The following CDH18 variants were observed in gnomAD, a reference collection of about 807,000 sequenced individuals.
CDH18 encodes cadherin-18.
A neutral mutation model predicts 67.9 loss-of-function variants in CDH18; 31 were observed. The observed-to-expected ratio is 0.46, with a 90% CI of 0.34 to 0.62. The LOEUF (loss-of-function observed/expected upper bound fraction) is 0.62, where lower values mean the gene tolerates loss of function less well. CDH18 is among the 20% of genes least tolerant of loss of function. The pLI, the probability that CDH18 is intolerant of heterozygous loss-of-function variation, is 0.01. For synonymous variants in CDH18, 362 were observed against 347.2 expected (o/e 1.04, Z -0.48); for missense variants, 890 against 975.5 (o/e 0.91, Z 1.17).
rs192428834 is a variant in CDH18, at chr5:19,760,222, C to T, written c.229-12986G>A. 2.6e-5 allele frequency among the ~76,000 whole-genome samples: 4 copies of T among 152,170 alleles called. No homozygotes were observed. The East Asian group carries it at 7.8e-4, about 30-fold the overall frequency. On this transcript the variant is annotated intron_variant, in intron 3 of 12. Coordinates refer to ENST00000382275, the MANE Select transcript of CDH18 (RefSeq NM_004934.5). ...ATAGTTGAATAACTGCAGTTCCCAC[C>T]ATTAGATCTGATACACAGAGAAGAG...
At chr5:20,264,975 G>T (rs13167305) in intron 1 of CDH18, among the ~76,000 whole-genome samples, 47,909 of 151,904 alleles carry the variant, frequency 0.32, 7,925 homozygotes, top group Non-Finnish European at 0.37. Flanking sequence ...AAAGAAAAAT[G>T]ATCTCAGGAT....
Position 19,546,728 on chromosome 5 carries a change from G to A in CDH18, c.1254-2723C>T, listed in dbSNP as rs370920873. ...GTGAAATCTTCTAACCTCCTGTGGA[G>A]AGGCATGAACACACATGGCAGAAGA... On this transcript the variant is annotated intron_variant, in intron 8 of 12. Transcript: ENST00000382275. Among the ~76,000 whole-genome samples the A allele has an allele frequency of 5.7e-4, 87 of 152,222 alleles. 1 individual carries two copies. Among genetic ancestry groups the A allele is most frequent in the African/African-American group, 1.9e-3 (80 of 41,536 alleles).
intron 2 of CDH18, among the ~76,000 whole-genome samples, chr5:19,897,713 A>G (rs1403640594): frequency 6.6e-6 from 1 of 152,110 alleles, no homozygotes; most frequent in East Asian, 1.9e-4. Flanking sequence ...ATTCATACAT[A>G]TCAATATTAT....
At chr5:20,172,223 T>TATAC (rs1554098639) in intron 2 of CDH18, among the ~76,000 whole-genome samples, 2,702 of 43,374 alleles carry the variant, frequency 0.062, 229 homozygotes, top group Non-Finnish European at 0.072. Context: ...TATATATATA[T>TATAC]GTATATATAT....
chr5:19,712,861 GA>G (rs1159300494), intron 5 of CDH18, among the ~76,000 whole-genome samples: 1 of 151,580 alleles, frequency 6.6e-6, no homozygotes, highest in Non-Finnish European at 1.5e-5. Flanking sequence ...GAATCAATGG[GA>G]TTGCAGTACA....
intron 7 of CDH18, among the ~76,000 whole-genome samples, chr5:19,580,888 A>G (rs1304552488): frequency 6.6e-6 from 1 of 151,974 alleles, no homozygotes; most frequent in African/African-American, 2.4e-5. Flanking sequence ...AAAGATAAAC[A>G]ATTTTTTTAG....
intron 2 of CDH18, among the ~76,000 whole-genome samples, chr5:20,132,052 A>G (rs181717745): frequency 8.3e-4 from 126 of 152,062 alleles, no homozygotes; most frequent in African/African-American, 3.0e-3. Context: ...CAAGCCCAGC[A>G]AAGTTTTTGT....
intron 2 of CDH18, among the ~76,000 whole-genome samples, chr5:20,075,459 C>T (rs1198581486): frequency 3.9e-5 from 6 of 151,996 alleles, no homozygotes; most frequent in Non-Finnish European, 7.4e-5. Flanking sequence ...GCCGAGATTG[C>T]GCCACTGCAC....
intron 7 of CDH18, among the ~76,000 whole-genome samples, chr5:19,577,515 A>C (rs1420146140): frequency 6.6e-6 from 1 of 152,130 alleles, no homozygotes; most frequent in Non-Finnish European, 1.5e-5. Context: ...AGATAAGGAT[A>C]ATTTGTTTTC....
chr5:20,559,989 C>G (rs1344679837), intron 1 of CDH18, among the ~76,000 whole-genome samples: 1 of 152,056 alleles, frequency 6.6e-6, no homozygotes, highest in African/African-American at 2.4e-5. Context: ...TCACCTCTTT[C>G]ACTCATAGGG....
At chr5:19,711,791 C>T (rs940390649) in intron 5 of CDH18, among the ~76,000 whole-genome samples, 1 of 151,866 alleles carries the variant, frequency 6.6e-6, no homozygotes, top group African/African-American at 2.4e-5. Context: ...ATAGAACTAC[C>T]ATTTGATTCA....
chr5:20,516,673 A>T (rs1030324526), intron 1 of CDH18, among the ~76,000 whole-genome samples: 4 of 151,922 alleles, frequency 2.6e-5, no homozygotes, highest in Non-Finnish European at 4.4e-5. Flanking sequence ...TATTATTTTT[A>T]AAAATTTTCT....
At chr5:19,657,058 T>C (rs1756505765) in intron 5 of CDH18, among the ~76,000 whole-genome samples, 2 of 152,128 alleles carry the variant, frequency 1.3e-5, no homozygotes, top group South Asian at 2.1e-4. Context: ...TTACAGGATA[T>C]GTAACATATT....
At chr5:20,380,064 C>T (rs1471216792) in intron 1 of CDH18, among the ~76,000 whole-genome samples, 1 of 151,974 alleles carries the variant, frequency 6.6e-6, no homozygotes, top group Non-Finnish European at 1.5e-5. Context: ...GCTAAAGGCA[C>T]AAAGTGGATA....
At chr5:19,912,630 C>A (rs1791280636) in intron 2 of CDH18, among the ~76,000 whole-genome samples, 1 of 152,118 alleles carries the variant, frequency 6.6e-6, no homozygotes, top group African/African-American at 2.4e-5. Context: ...TGAGCTATTT[C>A]ATCTTACAAA....
chr5:19,565,298 A>G (rs1309889740), intron 8 of CDH18, among the ~76,000 whole-genome samples: 2 of 152,170 alleles, frequency 1.3e-5, no homozygotes, highest in African/African-American at 2.4e-5. Flanking sequence ...TGGTGGCTAC[A>G]GTGATGCTTA....
chr5:20,361,550 G>A (rs1482719822), intron 1 of CDH18, among the ~76,000 whole-genome samples: 1 of 151,922 alleles, frequency 6.6e-6, no homozygotes, highest in African/African-American at 2.4e-5. Context: ...TGTAAATAAT[G>A]TGGTTTTATT....
chr5:19,957,296 A>C (rs1030526672), intron 2 of CDH18, among the ~76,000 whole-genome samples: 1 of 151,404 alleles, frequency 6.6e-6, no homozygotes, highest in Non-Finnish European at 1.5e-5. Context: ...ACAAACATGC[A>C]TATATGTATG....
chr5:19,984,050 TA>T (rs927932813), intron 1 of CDH18, among the ~76,000 whole-genome samples: 1 of 152,036 alleles, frequency 6.6e-6, no homozygotes, highest in South Asian at 2.1e-4. Flanking sequence ...ACTGGACTCA[TA>T]AAAAAATCAT....
Sources: allele counts gnomAD v4.1 joint callset (sites outside exome capture counted in the v4.1 genomes callset), GRCh38; gene constraint gnomAD v4.1.1; transcripts MANE v1.5; gene names NCBI Gene and HGNC (gene_info 2026-07-23, HGNC 2026-07-21).